C11orf65: variants seen among roughly 807,000 people sequenced by gnomAD.
C11orf65 encodes the protein protein MFI.
C11orf65 carries 38 observed loss-of-function variants against 35.3 expected under a neutral mutation model. That is an observed-to-expected ratio of 1.08 (90% CI 0.83 to 1.41). The LOEUF (loss-of-function observed/expected upper bound fraction) is 1.41. Ranked by LOEUF, C11orf65 falls within the 40% of genes most tolerant of loss-of-function variation. C11orf65 has a pLI of 0.00. For missense variants in C11orf65, 370 were observed against 367.1 expected, an observed-to-expected ratio of 1.01 and a Z score of -0.06; for synonymous variants, 105 against 114.4, an observed-to-expected ratio of 0.92 and a Z score of 0.53.
chr11:108,448,430 T>C (rs1178174527), intron 2 of C11orf65, among the ~76,000 whole-genome samples: 3 of 152,188 alleles, frequency 2.0e-5, no homozygotes, highest in Non-Finnish European at 4.4e-5. Context: ...AAAAAGCTTA[T>C]CCACCATGAG....
chr11:108,311,532 C>G (rs1283203906), intron 6 of C11orf65, among the ~76,000 whole-genome samples: 1 of 151,940 alleles, frequency 6.6e-6, no homozygotes, highest in Non-Finnish European at 1.5e-5. Context: ...CTCAGCTCTA[C>G]TAAAAATAAA....
intron 2 of C11orf65, among the ~76,000 whole-genome samples, chr11:108,445,497 T>A (rs975490858): frequency 3.3e-5 from 5 of 152,140 alleles, no homozygotes; most frequent in Non-Finnish European, 7.4e-5. Context: ...CCACTGCTGA[T>A]ACCCAGGCAA....
At chr11:108,448,071 A>G (rs1262411985) in intron 2 of C11orf65, among the ~76,000 whole-genome samples, 1 of 152,208 alleles carries the variant, frequency 6.6e-6, no homozygotes, top group Non-Finnish European at 1.5e-5. Context: ...ACACCCTCCC[A>G]AGACTAAACC....
chr11:108,339,560 T>A (rs1245818454), intron 2 of C11orf65, among the ~76,000 whole-genome samples: 1 of 152,158 alleles, frequency 6.6e-6, no homozygotes, highest in Non-Finnish European at 1.5e-5. Flanking sequence ...GATACCCAGT[T>A]GAAATCTTCC....
At chr11:108,371,619 ATATTT>A (rs2091578940) in intron 2 of C11orf65, among the ~76,000 whole-genome samples, 1 of 152,114 alleles carries the variant, frequency 6.6e-6, no homozygotes, top group Non-Finnish European at 1.5e-5. Context: ...TATACTGTAT[ATATTT>A]TATTTATCCA....
At chr11:108,363,282 C>G (rs2091000998) in intron 2 of C11orf65, among the ~76,000 whole-genome samples, 1 of 152,142 alleles carries the variant, frequency 6.6e-6, no homozygotes, top group South Asian at 2.1e-4. Context: ...TATTTCTGAA[C>G]TGATCTCCCC....
At chr11:108,353,740 T>C in intron 2 of C11orf65, 4 of 1,554,826 alleles carry the variant, frequency 2.6e-6, no homozygotes, top group Middle Eastern at 1.7e-4. Flanking sequence ...TCAAACCTCC[T>C]AACTTCACTG....
chr11:108,347,997 G>C (rs993650439), intron 2 of C11orf65, among the ~76,000 whole-genome samples: 7 of 152,202 alleles, frequency 4.6e-5, no homozygotes, highest in African/African-American at 1.7e-4. Context: ...TATTGGATTT[G>C]AGGGACATTT....
intron 2 of C11orf65, among the ~76,000 whole-genome samples, chr11:108,375,005 A>C (rs914899354): frequency 6.6e-6 from 1 of 152,140 alleles, no homozygotes; most frequent in African/African-American, 2.4e-5. Context: ...CCAAATCTAC[A>C]TCTGATTGGT....
intron 2 of C11orf65, among the ~76,000 whole-genome samples, chr11:108,340,822 A>G (rs946797706): frequency 1.3e-5 from 2 of 152,170 alleles, no homozygotes; most frequent in African/African-American, 4.8e-5. Flanking sequence ...CCTCCCATGT[A>G]CTGTAAATCA....
chr11:108,440,437 G>T (rs892564568), intron 2 of C11orf65, among the ~76,000 whole-genome samples: 1 of 152,154 alleles, frequency 6.6e-6, no homozygotes, highest in Non-Finnish European at 1.5e-5. Flanking sequence ...CTCAAGTGGG[G>T]CCCAATATCA....
At chr11:108,443,082 T>G (rs1029276948) in intron 2 of C11orf65, among the ~76,000 whole-genome samples, 1 of 152,186 alleles carries the variant, frequency 6.6e-6, no homozygotes. Flanking sequence ...CCATCTCATG[T>G]GCAGAGACAC....
chr11:108,441,392 G>C (rs919785600), intron 2 of C11orf65, among the ~76,000 whole-genome samples: 2 of 152,336 alleles, frequency 1.3e-5, no homozygotes, highest in African/African-American at 4.8e-5. Flanking sequence ...TCCACCTCTG[G>C]GGGCAGGGCA....
At position 108,393,314 on chromosome 11, in the gene C11orf65, CAGTGTGAATT is replaced by C; in HGVS notation, c.615_624del (p.Ile206GlnfsTer5). The C allele has an allele frequency of 1.2e-6, 2 of 1,614,036 alleles. No homozygotes were observed. On this transcript the variant is annotated frameshift_variant, in exon 7 of 9. Transcript: ENST00000393084. LOFTEE classifies it high-confidence loss of function. ...AAAGCTCTAATCAGCCCCTTTGTTGCAGTGTGAATTAGTCCTAGAGTTTCATGATGTGTTG... is the reference window on the plus strand; with the variant it reads ...AAAGCTCTAATCAGCCCCTTTGTTGCAGTCCTAGAGTTTCATGATGTGTTG...
At chr11:108,455,961 C>T (rs1378679380) in intron 2 of C11orf65, among the ~76,000 whole-genome samples, 2 of 151,732 alleles carry the variant, frequency 1.3e-5, no homozygotes, top group Admixed American at 6.6e-5. Flanking sequence ...AAGAGACCAG[C>T]ACGGGCAACA....
At chr11:108,416,812 G>A (rs2092739574) in intron 3 of C11orf65, among the ~76,000 whole-genome samples, 1 of 152,040 alleles carries the variant, frequency 6.6e-6, no homozygotes, top group Non-Finnish European at 1.5e-5. Context: ...ATGCAAAATG[G>A]CACAGCCACT....
At chr11:108,441,264 G>A (rs1030786691) in intron 2 of C11orf65, among the ~76,000 whole-genome samples, 1 of 152,224 alleles carries the variant, frequency 6.6e-6, no homozygotes, top group Non-Finnish European at 1.5e-5. Context: ...GCGGCAGCGA[G>A]GCTGGAGGAG....
chr11:108,346,183 C>A (rs1332767807), intron 2 of C11orf65, among the ~76,000 whole-genome samples: 1 of 151,986 alleles, frequency 6.6e-6, no homozygotes, highest in Non-Finnish European at 1.5e-5. Flanking sequence ...GTGAATATGG[C>A]ATATTTTCTC....
rs928126930 is a variant in C11orf65 at position 108,368,218 on chromosome 11, T to A, written c.226+24990A>T. ...AGAATTAAGATTATAAAAGATTTTT[T>A]TTTTGTAATTTTAGTAGAGACAGGG... is the stretch of plus-strand genomic sequence containing the variant. On this transcript the variant is annotated intron_variant, in intron 2 of 3. Coordinates refer to the C11orf65 transcript ENST00000524755. 7 of 206,918 alleles carry A rather than the reference T, an allele frequency of 3.4e-5. No individual in the cohort carries two copies. In the East Asian group the frequency reaches 5.1e-4, roughly 15 times the overall value. The allele number at this position is 206,918 out of a possible 1,614,324, so 12.8% of individuals were successfully genotyped here. A position where few individuals can be genotyped will look rare whatever the true frequency, so the allele number is the denominator to read the frequency against.
Sources: gnomAD v4.1 joint callset for allele counts (sites outside exome capture counted in the v4.1 genomes callset) on GRCh38, gnomAD v4.1.1 for gene constraint, MANE v1.5 for transcripts, NCBI Gene and HGNC (gene_info 2026-07-23, HGNC 2026-07-21) for gene names.